Variants in DIPK2B observed in about 807,000 individuals in gnomAD.
The protein encoded by DIPK2B is UPF0672 protein CXorf36.
In DIPK2B, 15 loss-of-function variants were observed where a neutral mutation model predicts 22.2. That is an observed-to-expected ratio of 0.68 (90% CI 0.45 to 1.04). The LOEUF (loss-of-function observed/expected upper bound fraction) is 1.04, where lower values mean the gene tolerates loss of function less well. DIPK2B is among the 50% of genes least tolerant of loss of function. The pLI, the probability that DIPK2B is intolerant of heterozygous loss-of-function variation, is 0.00. For synonymous variants in DIPK2B, 163 were observed against 153.2 expected (o/e 1.06, Z -0.47); for missense variants, 345 against 348.3 (o/e 0.99, Z 0.08).
chrX:45,181,249 C>T (rs1025512016), intron 2 of DIPK2B, among the ~76,000 whole-genome samples: 1 of 111,632 alleles, frequency 9.0e-6, no homozygotes, highest in Non-Finnish European at 1.9e-5. Flanking sequence ...AAATAAAGAC[C>T]TAGTCCATGT....
At chrX:45,177,407 A>T (rs1186077378) in intron 2 of DIPK2B, among the ~76,000 whole-genome samples, 1 of 110,344 alleles carries the variant, frequency 9.1e-6, no homozygotes, top group East Asian at 2.8e-4. Flanking sequence ...TCATGAATAG[A>T]TTAATGCTCT....
chrX:45,186,006 A>C (rs192185055), intron 2 of DIPK2B, among the ~76,000 whole-genome samples: 2 of 111,475 alleles, frequency 1.8e-5, no homozygotes, highest in East Asian at 5.7e-4. Flanking sequence ...GGGTAATTTG[A>C]GTGGGCACAG....
chrX:45,161,656 C>A lies in DIPK2B; in HGVS notation c.499-3768G>T, dbSNP rs183898546. 2.1e-3 allele frequency among the ~76,000 whole-genome samples: 233 copies of A among 112,173 alleles called. 2 individuals are homozygous for A. The highest frequency in any genetic ancestry group is 7.4e-3 in the African/African-American group (227 of 30,847). On this transcript the variant is annotated intron_variant, in intron 2 of 4. Coordinates refer to ENST00000398000, the MANE Select transcript of DIPK2B (RefSeq NM_176819.4). ...GGAAGAAAGAGTGGAGGCAGGAAGG[C>A]CAGTTAGGAAGACGCAGTGATTGAC...
chrX:45,159,855 T>C (rs1395842054), intron 2 of DIPK2B, among the ~76,000 whole-genome samples: 1 of 112,208 alleles, frequency 8.9e-6, no homozygotes, highest in Non-Finnish European at 1.9e-5. Flanking sequence ...AAATTATACA[T>C]TCAAACATTT....
chrX:45,152,026 C>G (rs1281139170), intron 4 of DIPK2B, 34 bp from the exon 5 acceptor site: 4 of 1,108,802 alleles, frequency 3.6e-6, no homozygotes, highest in Non-Finnish European at 4.8e-6. Flanking sequence ...ACACACCCTG[C>G]CACCAGTGCT....
intron 2 of DIPK2B, chrX:45,162,952 C>T (rs758072172): frequency 1.9e-5 from 14 of 751,939 alleles, no homozygotes; most frequent in African/African-American, 2.3e-5. Flanking sequence ...AGTCTGAAGA[C>T]GGTCGATAAA....
At chrX:45,152,100 G>A in intron 4 of DIPK2B, 108 bp from the exon 5 acceptor site, 1 of 714,463 alleles carries the variant, frequency 1.4e-6, no homozygotes, top group Non-Finnish European at 2.0e-6. Context: ...GCTCATGCCT[G>A]TAATCCCAGC....
At position 45,150,500 on chromosome X, in the gene DIPK2B, G is replaced by C. The variant is rs148680906; in HGVS notation, c.*1152C>G. On this transcript the variant is annotated 3_prime_UTR_variant, in exon 5 of 5. Transcript: ENST00000398000. ...CTTAGAGTCCCAACTCGGAGCATGCGGTGTGGAGAGAGCTGGTCCAGGGCC... is the reference window on the plus strand; with the variant it reads ...CTTAGAGTCCCAACTCGGAGCATGCCGTGTGGAGAGAGCTGGTCCAGGGCC... The C allele has an allele frequency of 8.9e-6, 1 of 111,899 alleles. No homozygotes were observed. The highest frequency in any genetic ancestry group is 1.9e-5 in the Non-Finnish European group (1 of 53,166). 9.2% of individuals were successfully genotyped at this position (111,899 alleles called of 1,213,427 possible).
rs2046949191 is a variant in DIPK2B at position 45,149,395 on chromosome X, C to A, written c.*2257G>T. 8.9e-6 allele frequency: 1 copy of A among 112,653 alleles called. No homozygotes were observed. The highest frequency in any genetic ancestry group is 2.8e-4 in the East Asian group (1 of 3,539). 9.3% of individuals were successfully genotyped at this position (112,653 alleles called of 1,213,427 possible). On this transcript the variant is annotated 3_prime_UTR_variant, in exon 5 of 5. Coordinates refer to ENST00000398000, the MANE Select transcript of DIPK2B (RefSeq NM_176819.4). ...TCAGTCTTCACCCTCAAGACCAACT[C>A]AGAAGGCAGCCATTTCAAAGCGTCT...
intron 2 of DIPK2B, among the ~76,000 whole-genome samples, chrX:45,189,562 G>A (rs765710549): frequency 4.5e-5 from 5 of 111,789 alleles, no homozygotes; most frequent in East Asian, 2.8e-4. Flanking sequence ...GCACTGAGCC[G>A]AGATGGCGCC....
At chrX:45,154,740 G>T (rs1334855032) in intron 3 of DIPK2B, among the ~76,000 whole-genome samples, 1 of 111,750 alleles carries the variant, frequency 8.9e-6, no homozygotes, top group African/African-American at 3.3e-5. Flanking sequence ...AGATTTCACA[G>T]ATATCACTGC....
intron 2 of DIPK2B, among the ~76,000 whole-genome samples, chrX:45,161,958 A>T (rs1373514081): frequency 8.9e-6 from 1 of 112,035 alleles, no homozygotes; most frequent in Non-Finnish European, 1.9e-5. Context: ...GGTGGATAGG[A>T]CGGTACAGGA....
intron 3 of DIPK2B, 115 bp from the exon 4 acceptor site, chrX:45,154,313 A>G (rs777441963): frequency 6.6e-6 from 4 of 608,770 alleles, no homozygotes; most frequent in African/African-American, 2.9e-5. Context: ...CTATCTATCT[A>G]TCTATCTGTC....
intron 2 of DIPK2B, among the ~76,000 whole-genome samples, chrX:45,172,344 G>A (rs2047087822): frequency 1.8e-5 from 2 of 111,696 alleles, no homozygotes; most frequent in Non-Finnish European, 3.8e-5. Flanking sequence ...ATACCACACA[G>A]TGTCATGCAT....
chrX:45,154,704 A>G (rs1245177842), intron 3 of DIPK2B, among the ~76,000 whole-genome samples: 1 of 112,418 alleles, frequency 8.9e-6, no homozygotes, highest in Non-Finnish European at 1.9e-5. Flanking sequence ...TAAGAGTTGC[A>G]TAGTTGAAAC....
intron 2 of DIPK2B, among the ~76,000 whole-genome samples, chrX:45,169,341 C>G (rs776110457): frequency 8.9e-6 from 1 of 111,834 alleles, no homozygotes; most frequent in East Asian, 2.8e-4. Flanking sequence ...TGTAAGTGAC[C>G]CCACCATTCT....
At chrX:45,177,727 G>C (rs761813590) in intron 2 of DIPK2B, among the ~76,000 whole-genome samples, 1 of 111,229 alleles carries the variant, frequency 9.0e-6, no homozygotes, top group Admixed American at 9.6e-5. Flanking sequence ...GCTTGTTAAT[G>C]CCTAAGATAA....
At chrX:45,174,390 C>T (rs1001421745) in intron 2 of DIPK2B, among the ~76,000 whole-genome samples, 1 of 111,361 alleles carries the variant, frequency 9.0e-6, no homozygotes, top group African/African-American at 3.3e-5. Context: ...GCCCCTACAC[C>T]AAAGAAACTG....
At chrX:45,177,845 G>T (rs986077010) in intron 2 of DIPK2B, among the ~76,000 whole-genome samples, 1 of 111,328 alleles carries the variant, frequency 9.0e-6, no homozygotes, top group Non-Finnish European at 1.9e-5. Flanking sequence ...GTTAGAACAG[G>T]TATGGATCAA....
Sources: allele counts gnomAD v4.1 joint callset (sites outside exome capture counted in the v4.1 genomes callset), GRCh38; gene constraint gnomAD v4.1.1; transcripts MANE v1.5; gene names NCBI Gene and HGNC (gene_info 2026-07-23, HGNC 2026-07-21).